Variants in TDRD9 observed in about 807,000 individuals in gnomAD.
TDRD9 encodes ATP-dependent RNA helicase TDRD9.
TDRD9 carries 124 observed loss-of-function variants against 172.6 expected under a neutral mutation model. The observed-to-expected ratio is 0.72, with a 90% CI of 0.62 to 0.83. The LOEUF is 0.83. TDRD9 is among the 40% of genes least tolerant of loss of function. The pLI is 0.00. For missense variants in TDRD9, 1,479 were observed against 1,714.1 expected (o/e 0.86, Z 2.42); for synonymous variants, 619 against 617.1 (o/e 1.00, Z -0.05).
intron 27 of TDRD9, 102 bp from the exon 28 acceptor site, chr14:104,026,577 A>G (rs184515699): frequency 1.5e-6 from 2 of 1,338,642 alleles, no homozygotes; most frequent in African/African-American, 1.5e-5. Context: ...TTATGAGAAT[A>G]TTATTGAAGG....
chr14:103,937,281 T>A (rs192327499), intron 1 of TDRD9, among the ~76,000 whole-genome samples: 1 of 152,194 alleles, frequency 6.6e-6, no homozygotes, highest in Admixed American at 6.5e-5. Context: ...TCTGGTCACA[T>A]TGGCATTTTT....
At chr14:104,011,310 A>G (rs2034605066) in intron 20 of TDRD9, among the ~76,000 whole-genome samples, 1 of 152,132 alleles carries the variant, frequency 6.6e-6, no homozygotes, top group Non-Finnish European at 1.5e-5. Flanking sequence ...CTCTATATTT[A>G]TAAGTGAAAT....
intron 34 of TDRD9, among the ~76,000 whole-genome samples, chr14:104,046,244 C>T (rs8019352): frequency 0.27 from 41,706 of 152,062 alleles, 6,167 homozygotes; most frequent in Non-Finnish European, 0.34. Context: ...GGTGAGCCAC[C>T]GCGCCTGGCC....
Position 103,986,164 on chromosome 14 carries a change from T to G in TDRD9, c.1012-53T>G. The G allele has an allele frequency of 2.9e-6, 4 of 1,356,052 alleles. No homozygotes were observed. In the South Asian group the frequency reaches 3.6e-5, roughly 12 times the overall value. The allele number at this position is 1,356,052 out of a possible 1,614,324, so 84.0% of individuals were successfully genotyped here. On this transcript the variant is annotated intron_variant, in intron 7 of 35. Transcript: ENST00000409874. ...GAGCCAGTCCCATCCAACGCCAGGTTTCTTCTGTAATCCTGTTTTCGTATT... is the reference window on the plus strand; with the variant it reads ...GAGCCAGTCCCATCCAACGCCAGGTGTCTTCTGTAATCCTGTTTTCGTATT...
At position 104,033,994 on chromosome 14, in the gene TDRD9, G is replaced by A. The variant is rs184797190; in HGVS notation, c.3544G>A (p.Val1182Ile). Residue 1182 changes from valine (V) to isoleucine (I), a missense_variant, in exon 31 of 36, where the codon GTC becomes ATC. Around this residue, in one of 3 missense-constraint regions of TDRD9, gnomAD observed 1,413 missense variants for 1,649.1 expected, o/e 0.86. Coordinates refer to ENST00000409874, the MANE Select transcript of TDRD9 (RefSeq NM_153046.3). The part of the protein sequence containing the change: ...VWIEKESINS[V>I]IISDAPEDLH... The stretch of plus-strand genomic sequence containing the variant: ...GATTGAGAAGGAGAGCATCAACTCT[G>A]TCATTATCAGTGACGCCCCTGAAGA... 4.5e-6 allele frequency: 7 copies of A among 1,551,636 alleles called. No homozygotes were observed. In the African/African-American group the frequency reaches 9.6e-5, roughly 21 times the overall value.
intron 32 of TDRD9, among the ~76,000 whole-genome samples, chr14:104,037,216 G>A (rs915569589): frequency 5.9e-5 from 9 of 152,150 alleles, no homozygotes; most frequent in African/African-American, 1.9e-4. Context: ...TGTGTCTTAG[G>A]TGTGTTCCGG....
At chr14:104,031,468 G>GTTTT (rs55696833) in intron 29 of TDRD9, among the ~76,000 whole-genome samples, 21 of 105,090 alleles carry the variant, frequency 2.0e-4, no homozygotes, top group South Asian at 1.9e-3. Flanking sequence ...GCTTTGACTA[G>GTTTT]TTTTTTTTTT....
intron 1 of TDRD9, among the ~76,000 whole-genome samples, chr14:103,952,190 G>GTATATA (rs1566734586): frequency 0.036 from 1,970 of 54,938 alleles, 36 homozygotes; most frequent in Non-Finnish European, 0.046. Flanking sequence ...GCGTGTGTGT[G>GTATATA]TATATATATA....
chr14:103,932,176 T>C (rs996601098), intron 1 of TDRD9, among the ~76,000 whole-genome samples: 3 of 152,224 alleles, frequency 2.0e-5, no homozygotes, highest in Non-Finnish European at 2.9e-5. Context: ...GAAACTGCTA[T>C]GTTTTTGCGA....
At chr14:104,029,265 C>T (rs2035212663) in intron 28 of TDRD9, among the ~76,000 whole-genome samples, 1 of 152,104 alleles carries the variant, frequency 6.6e-6, no homozygotes, top group Admixed American at 6.5e-5. Flanking sequence ...CTGTAGCTCG[C>T]TTTGGATAGT....
At chr14:104,005,603 T>C (rs2034412720) in intron 15 of TDRD9, among the ~76,000 whole-genome samples, 198 bp downstream of exon 15, 1 of 152,112 alleles carries the variant, frequency 6.6e-6, no homozygotes, top group Non-Finnish European at 1.5e-5. Flanking sequence ...TTCCTCAGCC[T>C]CCTTCTGGCT....
intron 20 of TDRD9, chr14:104,013,611 T>C (rs957981183): frequency 6.6e-6 from 1 of 152,268 alleles, no homozygotes; most frequent in South Asian, 2.1e-4. Flanking sequence ...TTAACATTAC[T>C]TATTAATTAA....
chr14:104,037,806 G>T (rs2035495333), intron 32 of TDRD9, among the ~76,000 whole-genome samples: 2 of 152,126 alleles, frequency 1.3e-5, no homozygotes, highest in South Asian at 4.1e-4. Flanking sequence ...CTTCATCGTG[G>T]AGCTGATCCA....
At chr14:104,036,787 T>C (rs2035461972) in intron 32 of TDRD9, among the ~76,000 whole-genome samples, 1 of 152,348 alleles carries the variant, frequency 6.6e-6, no homozygotes, top group Non-Finnish European at 1.5e-5. Context: ...ATTATATTCA[T>C]TTTGTTGAAT....
intron 28 of TDRD9, among the ~76,000 whole-genome samples, chr14:104,029,375 T>G (rs1414472060): frequency 6.6e-6 from 1 of 152,202 alleles, no homozygotes; most frequent in Admixed American, 6.5e-5. Context: ...TTTGTAGTTT[T>G]CATTATAGAG....
In TDRD9 at chr14:103,952,729, C is replaced by CTTTTT. The variant is rs68192057; in HGVS notation, c.216-2913_216-2909dup. On this transcript the variant is annotated intron_variant, in intron 1 of 35. Coordinates refer to ENST00000409874, the MANE Select transcript of TDRD9 (RefSeq NM_153046.3). ...TTAGTGATTTATAGGAATTCTCTCT[C>CTTTTT]TTTTTTTTTTTTTTTTTTTTTTTTT... Among the ~76,000 whole-genome samples the CTTTTT allele has an allele frequency of 1.1e-3, 79 of 72,320 alleles. 11 individuals are homozygous for CTTTTT. Among genetic ancestry groups the CTTTTT allele is most frequent in the Non-Finnish European group, 1.2e-3 (53 of 42,760 alleles). The allele number at this position is 72,320 out of a possible 152,430, so 47.4% of individuals were successfully genotyped here. A position where few individuals can be genotyped will look rare whatever the true frequency, so the allele number is the denominator to read the frequency against.
Position 104,031,098 on chromosome 14 carries a change from G to C in TDRD9, c.3283-10G>C, listed in dbSNP as rs1396400346. On this transcript the variant is annotated splice_polypyrimidine_tract_variant and intron_variant, in intron 28 of 35. Coordinates refer to ENST00000409874, the MANE Select transcript of TDRD9 (RefSeq NM_153046.3). ...TCTTTTAACAAAACAAACTTTTCTT[G>C]TTTGTTCAGCAAAGCCATGAAGTTC... 1 of 1,540,456 alleles carries C rather than the reference G, an allele frequency of 6.5e-7. No homozygotes were observed.
rs968971472 is a variant in TDRD9 at position 103,997,925 on chromosome 14, C to G, written c.1379-699C>G. ...GGATGGGAAGAAATGAACAAAGAACCGGTGGCGGCACACAACACTCCACAG... is the reference window on the plus strand; with the variant it reads ...GGATGGGAAGAAATGAACAAAGAACGGGTGGCGGCACACAACACTCCACAG... On this transcript the variant is annotated intron_variant, in intron 12 of 35. Coordinates refer to ENST00000409874, the MANE Select transcript of TDRD9 (RefSeq NM_153046.3). This position sits in a 1 kb window ranked among gnomAD's most constrained non-coding sequence, Gnocchi z 5.1. Among the ~76,000 whole-genome samples, 3 of 152,074 alleles carry G rather than the reference C, an allele frequency of 2.0e-5. No individual in the cohort carries two copies. The highest frequency in any genetic ancestry group is 4.1e-4 in the South Asian group (2 of 4,820).
chr14:104,032,205 CTTT>C (rs1566796397), intron 30 of TDRD9, 118 bp downstream of exon 30: 30 of 639,730 alleles, frequency 4.7e-5, no homozygotes, highest in Non-Finnish European at 6.0e-5. Flanking sequence ...CTTTTCTTTT[CTTT>C]TCTTTTCTTT....
Sources: allele counts gnomAD v4.1 joint callset (sites outside exome capture counted in the v4.1 genomes callset), GRCh38; gene constraint gnomAD v4.1.1; regional missense constraint gnomAD v4.1.1; non-coding constraint Gnocchi (gnomAD v3.1); transcripts MANE v1.5; gene names NCBI Gene and HGNC (gene_info 2026-07-23, HGNC 2026-07-21).